The following AGBL3 variants were observed in gnomAD, a reference collection of about 807,000 sequenced individuals.
AGBL3 encodes AGBL carboxypeptidase 3.
AGBL3 carries 68 observed loss-of-function variants against 94.5 expected under a neutral mutation model. That is an observed-to-expected ratio of 0.72 (90% CI 0.59 to 0.88). AGBL3 has a LOEUF of 0.88. Ranked by LOEUF, AGBL3 falls within the 40% of genes least tolerant of loss-of-function variation. The probability of loss-of-function intolerance (pLI) is 0.00; values close to 1 mark genes in which losing one functional copy is unlikely to be tolerated. For synonymous variants in AGBL3, 354 were observed against 370.7 expected (o/e 0.95, Z 0.52); for missense variants, 934 against 1,103.8 (o/e 0.85, Z 2.18).
intron 5 of AGBL3, among the ~76,000 whole-genome samples, chr7:135,021,340 G>A (rs1471521142): frequency 6.7e-6 from 1 of 148,692 alleles, no homozygotes; most frequent in Non-Finnish European, 1.5e-5. Flanking sequence ...TACCCAGGCT[G>A]GAGTGCAGTG....
rs1809686219 is a variant in AGBL3 at position 134,987,993 on chromosome 7, A to T, written c.60A>T (p.Glu20Asp). The change falls in exon 2 of 17, where the codon GAA becomes GAT. Residue 20 changes from glutamate (E) to aspartate (D), a missense_variant. By Grantham distance (45) the Glu-to-Asp change is conservative. Around this residue, in one of 3 missense-constraint regions of AGBL3, gnomAD observed 488 missense variants for 563.6 expected, o/e 0.87. Transcript: ENST00000436302. ...YSDRTISDEDESDEDMFMKFV... is the reference protein window; with the variant it reads ...YSDRTISDEDDSDEDMFMKFV... ...ACAGAACAATCAGTGATGAAGATGA[A>T]TCGGTATGTTTTTCTCAACTTTATT... The T allele has an allele frequency of 6.5e-7, 1 of 1,540,610 alleles. No homozygotes were observed. The highest frequency in any genetic ancestry group is 8.8e-7 in the Non-Finnish European group (1 of 1,142,136).
chr7:134,991,647 ATC>A (rs1410463632), intron 3 of AGBL3, among the ~76,000 whole-genome samples: 4 of 152,054 alleles, frequency 2.6e-5, no homozygotes, highest in Admixed American at 6.6e-5. Flanking sequence ...CAATGTTTGT[ATC>A]TCTTCCAAGC....
At chr7:135,052,430 T>A (rs1817959665) in intron 11 of AGBL3, among the ~76,000 whole-genome samples, 1 of 152,172 alleles carries the variant, frequency 6.6e-6, no homozygotes, top group African/African-American at 2.4e-5. Flanking sequence ...TTAGCACTTT[T>A]TTTCCATAGA....
At chr7:135,022,508 GTTT>G (rs145518609) in intron 5 of AGBL3, among the ~76,000 whole-genome samples, 1 of 147,952 alleles carries the variant, frequency 6.8e-6, no homozygotes, top group African/African-American at 2.5e-5. Context: ...TTTTGGATGG[GTTT>G]TTTTTTTCTC....
intron 15 of AGBL3, among the ~76,000 whole-genome samples, chr7:135,084,329 A>C (rs901274537): frequency 1.3e-5 from 2 of 152,156 alleles, no homozygotes; most frequent in Non-Finnish European, 2.9e-5. Flanking sequence ...AACAGTTATC[A>C]TTTCTTTGTG....
chr7:135,101,859 A>G (rs1457029117), intron 15 of AGBL3, among the ~76,000 whole-genome samples: 1 of 152,096 alleles, frequency 6.6e-6, no homozygotes, highest in Admixed American at 6.6e-5. Flanking sequence ...TGTGGGAGGG[A>G]TTCCATGAGA....
chr7:135,022,508 G>GTT (rs145518609), intron 5 of AGBL3, among the ~76,000 whole-genome samples: 8 of 148,028 alleles, frequency 5.4e-5, no homozygotes, highest in African/African-American at 2.0e-4. Context: ...TTTTGGATGG[G>GTT]TTTTTTTTTT....
intron 15 of AGBL3, among the ~76,000 whole-genome samples, chr7:135,109,609 C>G (rs1825312544): frequency 6.6e-6 from 1 of 152,168 alleles, no homozygotes; most frequent in Admixed American, 6.5e-5. Context: ...TGGCCCACCC[C>G]TCCCTCTGGG....
intron 15 of AGBL3, among the ~76,000 whole-genome samples, chr7:135,111,603 T>C (rs1217100203): frequency 6.6e-6 from 1 of 151,946 alleles, no homozygotes. Flanking sequence ...CATTTCACAA[T>C]AGCTATTGTG....
At position 134,998,901 on chromosome 7, in the gene AGBL3, C is replaced by T. The variant is rs1811350465; in HGVS notation, c.310+5223C>T. Reference sequence around the variant, plus strand: ...GTTTGTACCAGTGTCCTCCTCTATCCCTTCTCCAGATCCACCATAAAAGAA... The same window carrying T: ...GTTTGTACCAGTGTCCTCCTCTATCTCTTCTCCAGATCCACCATAAAAGAA... On this transcript the variant is annotated intron_variant, in intron 4 of 16. Coordinates refer to ENST00000436302, the MANE Select transcript of AGBL3 (RefSeq NM_178563.4). Among the ~76,000 whole-genome samples the T allele has an allele frequency of 1.3e-5, 2 of 152,166 alleles. 1 individual carries two copies. Among genetic ancestry groups the T allele is most frequent in the South Asian group, 4.1e-4 (2 of 4,820 alleles).
chr7:134,988,052 C>A, intron 2 of AGBL3, 56 bp downstream of exon 2: 1 of 1,214,110 alleles, frequency 8.2e-7, no homozygotes, highest in Non-Finnish European at 1.2e-6. Flanking sequence ...TATATAAATC[C>A]CCAATTAAAA....
At chr7:134,988,066 T>A in intron 2 of AGBL3, 70 bp downstream of exon 2, 2 of 1,115,456 alleles carry the variant, frequency 1.8e-6, no homozygotes, top group Non-Finnish European at 2.5e-6. Flanking sequence ...ATTAAAATAT[T>A]ATAAAATCAA....
chr7:135,073,074 T>C (rs964961131), intron 12 of AGBL3, among the ~76,000 whole-genome samples: 1 of 152,004 alleles, frequency 6.6e-6, no homozygotes, highest in African/African-American at 2.4e-5. Context: ...AAGACAAATA[T>C]TACATGATCT....
At chr7:135,124,416 A>G (rs980497504) in intron 16 of AGBL3, among the ~76,000 whole-genome samples, 4 of 152,160 alleles carry the variant, frequency 2.6e-5, no homozygotes, top group Non-Finnish European at 4.4e-5. Context: ...TAGAGACCCA[A>G]AAAGAGACAG....
At chr7:135,017,929 G>A (rs1471025088) in intron 5 of AGBL3, among the ~76,000 whole-genome samples, 1 of 152,072 alleles carries the variant, frequency 6.6e-6, no homozygotes, top group Non-Finnish European at 1.5e-5. Flanking sequence ...ATATTTACAT[G>A]GTGAACCTGC....
chr7:134,999,661 C>G (rs1462587473), intron 4 of AGBL3, among the ~76,000 whole-genome samples: 1 of 152,206 alleles, frequency 6.6e-6, no homozygotes, highest in Admixed American at 6.5e-5. Context: ...TAGGATGGTG[C>G]CCCACATGGG....
chr7:134,994,749 G>C (rs1810769664), intron 4 of AGBL3, among the ~76,000 whole-genome samples: 1 of 152,188 alleles, frequency 6.6e-6, no homozygotes, highest in Non-Finnish European at 1.5e-5. Flanking sequence ...GAGAGAGAAA[G>C]AACACTGATT....
At chr7:135,038,747 G>A (rs1179865617) in intron 8 of AGBL3, among the ~76,000 whole-genome samples, 2 of 152,174 alleles carry the variant, frequency 1.3e-5, no homozygotes, top group Admixed American at 6.5e-5. Context: ...GGATCACGAG[G>A]TCAGGAGATC....
intron 16 of AGBL3, among the ~76,000 whole-genome samples, chr7:135,116,477 A>AGTAG (rs1826328460): frequency 6.6e-6 from 1 of 152,226 alleles, no homozygotes; most frequent in African/African-American, 2.4e-5. Context: ...GCAGTAGTAA[A>AGTAG]AACCCTGACT....
Sources: allele counts gnomAD v4.1 joint callset (sites outside exome capture counted in the v4.1 genomes callset), GRCh38; gene constraint gnomAD v4.1.1; regional missense constraint gnomAD v4.1.1; transcripts MANE v1.5; gene names NCBI Gene and HGNC (gene_info 2026-07-23, HGNC 2026-07-21).